The following FRMD4A variants were observed in gnomAD, a reference collection of about 807,000 sequenced individuals.
The protein encoded by FRMD4A is FERM domain containing 4A.
Under a neutral mutation model 129.1 loss-of-function variants are expected in FRMD4A, and 29 were observed. The ratio of observed to expected loss-of-function variants is 0.22; its 90% CI spans 0.17 to 0.31. FRMD4A has a LOEUF of 0.31. FRMD4A is among the 10% of genes least tolerant of loss of function. FRMD4A has a pLI of 1.00. For missense variants in FRMD4A, 1,272 were observed against 1,375.8 expected (o/e 0.92, Z 1.19); for synonymous variants, 634 against 571.6 (o/e 1.11, Z -1.56).
chr10:14,118,840 G>T (rs1264828100), intron 2 of FRMD4A, among the ~76,000 whole-genome samples: 1 of 152,098 alleles, frequency 6.6e-6, no homozygotes, highest in African/African-American at 2.4e-5. Flanking sequence ...ACAATTCAAG[G>T]TGAGATTTGG....
intron 2 of FRMD4A, among the ~76,000 whole-genome samples, chr10:14,207,970 G>T (rs1842833563): frequency 6.6e-6 from 1 of 152,060 alleles, no homozygotes; most frequent in Non-Finnish European, 1.5e-5. Context: ...GGAGGCTGAG[G>T]CCAGGGGATC....
chr10:13,950,856 T>C (rs1402654382), intron 2 of FRMD4A, among the ~76,000 whole-genome samples: 1 of 152,248 alleles, frequency 6.6e-6, no homozygotes, highest in Non-Finnish European at 1.5e-5. Context: ...ATTTGTTTAC[T>C]TATCTTCTCT....
rs893993732 is a variant in FRMD4A at position 13,881,966 on chromosome 10, C to T, written c.46-23054G>A. Reference sequence around the variant, plus strand: ...GCAAAGGCTGAAGTCCAGATGAGGTCAAATGTGCTTGGGGAGAGGCAAGGG... The same window carrying T: ...GCAAAGGCTGAAGTCCAGATGAGGTTAAATGTGCTTGGGGAGAGGCAAGGG... On this transcript the variant is annotated intron_variant, in intron 2 of 24. Coordinates refer to ENST00000357447, the MANE Select transcript of FRMD4A (RefSeq NM_018027.5). Among the ~76,000 whole-genome samples the T allele has an allele frequency of 1.5e-4, 22 of 149,300 alleles. 1 individual carries two copies. The highest frequency in any genetic ancestry group is 5.2e-4 in the African/African-American group (21 of 40,122).
chr10:14,235,314 A>G lies in FRMD4A; in HGVS notation c.45+94744T>C, dbSNP rs755283717. Among the ~76,000 whole-genome samples the G allele has an allele frequency of 6.9e-5, 10 of 145,674 alleles. 1 individual carries two copies. Among genetic ancestry groups the G allele is most frequent in the Non-Finnish European group, 1.4e-4 (9 of 65,856 alleles). On this transcript the variant is annotated intron_variant, in intron 2 of 24. Transcript: ENST00000357447. ...CTGGTGCCCGCCACCATGCCCAGCT[A>G]ATTTTTTCTATTTTTAGTAGAGACG...
At chr10:14,110,131 A>AAAAAAAAAAAAAAAG (rs1564300635) in intron 2 of FRMD4A, among the ~76,000 whole-genome samples, 11 of 149,934 alleles carry the variant, frequency 7.3e-5, no homozygotes, top group African/African-American at 2.7e-4. Flanking sequence ...GCTGTAAAAA[A>AAAAAAAAAAAAAAAG]AAAAAAAAAA....
chr10:14,021,531 TG>T (rs1421851819), intron 2 of FRMD4A, among the ~76,000 whole-genome samples: 1 of 151,988 alleles, frequency 6.6e-6, no homozygotes, highest in Admixed American at 6.6e-5. Flanking sequence ...CACTCCAGCC[TG>T]GGGGATAGAG....
intron 2 of FRMD4A, among the ~76,000 whole-genome samples, chr10:13,928,365 C>T (rs1020701009): frequency 1.3e-5 from 2 of 151,326 alleles, no homozygotes; most frequent in African/African-American, 4.9e-5. Context: ...AAAACAAACT[C>T]TGAGCAAACC....
intron 3 of FRMD4A, among the ~76,000 whole-genome samples, chr10:13,842,389 C>T (rs898313555): frequency 6.6e-6 from 1 of 152,232 alleles, no homozygotes; most frequent in African/African-American, 2.4e-5. Flanking sequence ...GTCAATAACA[C>T]TGAGCCAGCC....
chr10:13,986,704 A>G (rs2095582869), intron 2 of FRMD4A, among the ~76,000 whole-genome samples: 1 of 150,188 alleles, frequency 6.7e-6, no homozygotes, highest in African/African-American at 2.4e-5. Context: ...AAAAAAAAGA[A>G]AAGCTTTTCC....
chr10:13,666,037 C>T (rs540661558), intron 18 of FRMD4A, 60 bp downstream of exon 18: 16 of 952,220 alleles, frequency 1.7e-5, no homozygotes, highest in East Asian at 1.4e-4. Flanking sequence ...TGGGACCTGG[C>T]GTCTGGTTGC....
chr10:13,915,808 T>G (rs994480085), intron 2 of FRMD4A, among the ~76,000 whole-genome samples: 1 of 152,154 alleles, frequency 6.6e-6, no homozygotes, highest in African/African-American at 2.4e-5. Context: ...CTGCAGAGGC[T>G]GGGCACCACC....
At chr10:13,978,992 G>A (rs2131399631) in intron 2 of FRMD4A, among the ~76,000 whole-genome samples, 1 of 152,234 alleles carries the variant, frequency 6.6e-6, no homozygotes, top group East Asian at 1.9e-4. Flanking sequence ...AAAGTAAGCT[G>A]CCATATGCAC....
At chr10:13,809,362 G>T (rs544165388) in intron 4 of FRMD4A, among the ~76,000 whole-genome samples, 3 of 152,118 alleles carry the variant, frequency 2.0e-5, no homozygotes, top group African/African-American at 7.2e-5. Context: ...TGAACAATGG[G>T]GCTATGATTA....
chr10:13,741,997 C>T (rs952505060), intron 9 of FRMD4A, among the ~76,000 whole-genome samples: 1 of 152,134 alleles, frequency 6.6e-6, no homozygotes, highest in Non-Finnish European at 1.5e-5. Flanking sequence ...GCTGGGATTA[C>T]AGGTGTGTGT....
chr10:13,863,446 C>T (rs904103644), intron 2 of FRMD4A, among the ~76,000 whole-genome samples: 15 of 151,438 alleles, frequency 9.9e-5, no homozygotes, highest in Admixed American at 8.6e-4. Context: ...AAAAATTAGC[C>T]GGGCATGGTG....
intron 2 of FRMD4A, among the ~76,000 whole-genome samples, chr10:14,058,737 G>A (rs1834662937): frequency 6.6e-6 from 1 of 152,174 alleles, no homozygotes. Flanking sequence ...AGGCCCTTTG[G>A]TGGAAGACCA....
chr10:13,771,099 G>A (rs182309520), intron 6 of FRMD4A, among the ~76,000 whole-genome samples: 1 of 152,140 alleles, frequency 6.6e-6, no homozygotes, highest in East Asian at 1.9e-4. Context: ...TTTTTTAAGA[G>A]ATGAGTTCTC....
intron 6 of FRMD4A, among the ~76,000 whole-genome samples, chr10:13,777,855 A>G (rs377038032): frequency 7.0e-6 from 1 of 141,998 alleles, no homozygotes; most frequent in Non-Finnish European, 1.5e-5. Context: ...CTGGAGTGCA[A>G]TGGTGCGATC....
At chr10:14,081,045 G>T (rs735439) in intron 2 of FRMD4A, among the ~76,000 whole-genome samples, 70,126 of 151,740 alleles carry the variant, frequency 0.46, 17,467 homozygotes, top group African/African-American at 0.64. Context: ...AGATTACTCA[G>T]GTTGTAATAA....
Sources: allele counts gnomAD v4.1 joint callset (sites outside exome capture counted in the v4.1 genomes callset), GRCh38; gene constraint gnomAD v4.1.1; transcripts MANE v1.5; gene names NCBI Gene and HGNC (gene_info 2026-07-23, HGNC 2026-07-21).